TGM7: variants seen among roughly 807,000 people sequenced by gnomAD.
TGM7 encodes the protein transglutaminase 7, also known as protein-glutamine gamma-glutamyltransferase Z.
A neutral mutation model predicts 79.5 loss-of-function variants in TGM7; 74 were observed. That is an observed-to-expected ratio of 0.93 (90% CI 0.77 to 1.13). The LOEUF (loss-of-function observed/expected upper bound fraction) is 1.13. Ranked by LOEUF, TGM7 falls within the 50% of genes most tolerant of loss-of-function variation. The pLI, the probability that TGM7 is intolerant of heterozygous loss-of-function variation, is 0.00. For missense variants in TGM7, 912 were observed against 905.9 expected (o/e 1.01, Z -0.09); for synonymous variants, 354 against 362.5 (o/e 0.98, Z 0.27).
chr15:43,289,957 G>C (rs1368595074), intron 4 of TGM7, among the ~76,000 whole-genome samples: 1 of 152,122 alleles, frequency 6.6e-6, no homozygotes, highest in South Asian at 2.1e-4. Context: ...GTAGATTCTG[G>C]ATATTAGCCC....
rs1288010174 is a variant in TGM7, at chr15:43,290,564, A to G, written c.558+1415T>C. On this transcript the variant is annotated intron_variant, in intron 4 of 12. Coordinates refer to ENST00000452443, the MANE Select transcript of TGM7 (RefSeq NM_052955.3). ...GCAATGCAGGCTCTTTTTGGGTTCC[A>G]TATGAACTTTAAAGTAGCTTTTTCC... Among the ~76,000 whole-genome samples the G allele has an allele frequency of 4.6e-5, 7 of 152,306 alleles. No individual in the cohort carries two copies. The East Asian group carries it at 1.3e-3, about 29-fold the overall frequency.
intron 1 of TGM7, 72 bp downstream of exon 1, chr15:43,302,169 C>T (rs920028758): frequency 4.5e-5 from 72 of 1,589,026 alleles, no homozygotes; most frequent in Non-Finnish European, 2.1e-5. Flanking sequence ...CCTACATCCT[C>T]TACCCTCTCC....
chr15:43,290,812 A>T lies in TGM7; in HGVS notation c.558+1167T>A, dbSNP rs374801310. Among the ~76,000 whole-genome samples the T allele has an allele frequency of 2.2e-4, 33 of 152,230 alleles. No individual in the cohort carries two copies. In the East Asian group the frequency reaches 2.7e-3, roughly 12 times the overall value. ...TGTAAGTTGGATTCATAGGTATTTT[A>T]TTCTCTTTGAAGCAATTGTGAATGG... On this transcript the variant is annotated intron_variant, in intron 4 of 12. Transcript: ENST00000452443.
chr15:43,285,062 C>T (rs755222747), intron 6 of TGM7, 110 bp from the exon 7 acceptor site: 68 of 1,230,400 alleles, frequency 5.5e-5, no homozygotes, highest in Middle Eastern at 2.1e-4. Context: ...AAGACGCTTA[C>T]GGAACCACAC....
intron 1 of TGM7, among the ~76,000 whole-genome samples, chr15:43,295,326 C>T (rs567160162): frequency 6.6e-6 from 1 of 152,244 alleles, no homozygotes; most frequent in Non-Finnish European, 1.5e-5. Context: ...CACCATGGCT[C>T]ACGCCTGTAA....
rs142511632 is a variant in TGM7, at chr15:43,287,359, G to T, written c.786C>A (p.Ile262=). ...CGCCCCTGGCTGACCACTGCTGTAGGATGGCCACACTGCCCTTCCACTCCA... is the reference window on the plus strand; with the variant it reads ...CGCCCCTGGCTGACCACTGCTGTAGTATGGCCACACTGCCCTTCCACTCCA... ...SPLEWKGSVA[I]LQQWSARGGQ... is the part of the protein sequence containing the mutation. Residue 262 remains isoleucine (I), a synonymous_variant, in exon 6 of 13, where the codon ATC becomes ATA. Coordinates refer to ENST00000452443, the MANE Select transcript of TGM7 (RefSeq NM_052955.3). 3 of 1,614,208 alleles carry T rather than the reference G, an allele frequency of 1.9e-6. No homozygotes were observed. The highest frequency in any genetic ancestry group is 2.5e-6 in the Non-Finnish European group (3 of 1,180,028).
At position 43,292,816 on chromosome 15, in the gene TGM7, G is replaced by A. The variant is rs1422257532; in HGVS notation, c.332C>T (p.Ala111Val). 6.2e-7 allele frequency: 1 copy of A among 1,614,122 alleles called. No homozygotes were observed. Among genetic ancestry groups the A allele is most frequent in the Non-Finnish European group, 8.5e-7 (1 of 1,180,028 alleles). ...TTTCAGAGTGTAATGGCCAATAACT[G>A]CATTGGCTGGTGTGAAAAGGGAAAC... ...LQVSLFTPAN[A>V]VIGHYTLKIE... Residue 111 changes from alanine (A) to valine (V), a missense_variant, in exon 3 of 13, where the codon GCA (alanine) becomes GTA (valine). Physicochemically the swap from Ala to Val is moderately conservative, Grantham distance 64. Transcript: ENST00000452443.
chr15:43,295,052 C>T (rs927617266), intron 1 of TGM7, among the ~76,000 whole-genome samples: 5 of 152,154 alleles, frequency 3.3e-5, no homozygotes, highest in African/African-American at 1.2e-4. Flanking sequence ...CAGTTATGGG[C>T]TACCATGCCC....
intron 1 of TGM7, among the ~76,000 whole-genome samples, chr15:43,301,160 T>G (rs2043023418): frequency 6.6e-6 from 1 of 151,820 alleles, no homozygotes; most frequent in African/African-American, 2.4e-5. Context: ...TTTTTGTATT[T>G]TTAGTAGAGA....
intron 1 of TGM7, among the ~76,000 whole-genome samples, chr15:43,296,236 T>C (rs1039658106): frequency 3.3e-5 from 5 of 151,932 alleles, no homozygotes; most frequent in Non-Finnish European, 7.4e-5. Flanking sequence ...CCATCCTGGC[T>C]AACATGGTGA....
At chr15:43,297,193 C>G (rs992726165) in intron 1 of TGM7, among the ~76,000 whole-genome samples, 3 of 152,118 alleles carry the variant, frequency 2.0e-5, no homozygotes, top group Non-Finnish European at 2.9e-5. Context: ...CAGTGGCTCA[C>G]GGCTGTAATC....
intron 1 of TGM7, among the ~76,000 whole-genome samples, chr15:43,301,436 C>A (rs2043024786): frequency 6.6e-6 from 1 of 151,404 alleles, no homozygotes; most frequent in Non-Finnish European, 1.5e-5. Flanking sequence ...TCAAGACCAG[C>A]CTGGCCAACA....
intron 2 of TGM7, 147 bp downstream of exon 2, chr15:43,293,302 A>G: frequency 9.2e-7 from 1 of 1,083,210 alleles, no homozygotes; most frequent in Non-Finnish European, 1.3e-6. Context: ...CAGCACTAAC[A>G]GGGTCCTGAG....
chr15:43,286,055 A>G (rs2042934351), intron 6 of TGM7, among the ~76,000 whole-genome samples: 1 of 152,204 alleles, frequency 6.6e-6, no homozygotes, highest in Non-Finnish European at 1.5e-5. Flanking sequence ...AGCTTCAAAA[A>G]GTAAAAGGAA....
Position 43,279,766 on chromosome 15 carries a change from G to A in TGM7, c.1537C>T (p.Gln513Ter). 1 of 1,614,136 alleles carries A rather than the reference G, an allele frequency of 6.2e-7. No individual in the cohort carries two copies. Among genetic ancestry groups the A allele is most frequent in the South Asian group, 1.1e-5 (1 of 91,092 alleles). Reference sequence around the variant, plus strand: ...GGGTGGGTGCTGTCTGGCACCCTCTGGATACGCAGCAGCAGCTGCAGGTCC... The same window carrying A: ...GGGTGGGTGCTGTCTGGCACCCTCTAGATACGCAGCAGCAGCTGCAGGTCC... ...GQDLQLLLRI[Q>*]RVPDSTHPRG... is the part of the protein sequence containing the mutation. Residue 513 changes from glutamine (Q) to a stop codon, truncating the protein, a stop_gained, in exon 10 of 13, where the codon CAG becomes TAG. Coordinates refer to ENST00000452443, the MANE Select transcript of TGM7 (RefSeq NM_052955.3). LOFTEE classifies it high-confidence loss of function.
Position 43,287,553 on chromosome 15 carries a change from C to T in TGM7, c.675G>A (p.Val225=). Reference sequence around the variant, plus strand: ...CATCCATCCTTACCATGGCACTCACCACCCTGCACACATACACCACGTCGT... The same window carrying T: ...CATCCATCCTTACCATGGCACTCACTACCCTGCACACATACACCACGTCGT... The part of the protein sequence containing the change: ...QRNDVVYVCR[V]VSAMINSNDD... Residue 225 remains valine (V), a synonymous_variant, in exon 5 of 13, where the codon GTG becomes GTA. Transcript: ENST00000452443. 1 of 1,613,846 alleles carries T rather than the reference C, an allele frequency of 6.2e-7. No homozygotes were observed.
Position 43,279,933 on chromosome 15 carries a change from G to GCT in TGM7, c.1368_1369dup (p.Ala457GlufsTer5), listed in dbSNP as rs1191221062. The GCT allele has an allele frequency of 3.1e-6, 5 of 1,613,996 alleles. No homozygotes were observed. The highest frequency in any genetic ancestry group is 4.2e-6 in the Non-Finnish European group (5 of 1,180,002). On this transcript the variant is annotated frameshift_variant, in exon 10 of 13. Transcript: ENST00000452443. LOFTEE classifies it high-confidence loss of function. ...TTTCCGAGAAGCCTTCATGAAGACA[G>GCT]CTCTCTCCTCAGGGGATCCTGCAGA...
intron 9 of TGM7, 92 bp downstream of exon 9, chr15:43,281,752 C>T (rs940746537): frequency 3.0e-5 from 47 of 1,550,770 alleles, no homozygotes; most frequent in African/African-American, 4.1e-5. Context: ...AGAGGTGATT[C>T]GATGGTGATG....
chr15:43,294,779 G>A (rs1434340552), intron 1 of TGM7, among the ~76,000 whole-genome samples: 1 of 152,188 alleles, frequency 6.6e-6, no homozygotes, highest in Non-Finnish European at 1.5e-5. Context: ...TGGGAAGAGA[G>A]GCTGCTAAGC....
Sources: allele counts gnomAD v4.1 joint callset (sites outside exome capture counted in the v4.1 genomes callset), GRCh38; gene constraint gnomAD v4.1.1; transcripts MANE v1.5; gene names NCBI Gene and HGNC (gene_info 2026-07-23, HGNC 2026-07-21).